The following WDR59 variants were observed in gnomAD, a reference collection of about 807,000 sequenced individuals.
The protein encoded by WDR59 is WD repeat domain 59.
Under a neutral mutation model 131.2 loss-of-function variants are expected in WDR59, and 100 were observed. That is an observed-to-expected ratio of 0.76 (90% CI 0.65 to 0.90). The LOEUF is 0.90. Ranked by LOEUF, WDR59 falls within the 40% of genes least tolerant of loss-of-function variation. WDR59 has a pLI of 0.00. For missense variants in WDR59, 1,203 were observed against 1,262.2 expected (o/e 0.95, Z 0.71); for synonymous variants, 601 against 466.2 (o/e 1.29, Z -3.72).
chr16:74,884,571 C>G (rs2904327), intron 25 of WDR59, among the ~76,000 whole-genome samples: 34,381 of 152,138 alleles, frequency 0.23, 4,877 homozygotes, highest in East Asian at 0.51. Context: ...TGGTCTCAAA[C>G]CCCTGGCCTC....
At position 74,942,778 on chromosome 16, in the gene WDR59, G is replaced by A. The variant is rs1193146627; in HGVS notation, c.494C>T (p.Ala165Val). 5 of 1,611,994 alleles carry A rather than the reference G, an allele frequency of 3.1e-6. No individual in the cohort carries two copies. Among genetic ancestry groups the A allele is most frequent in the South Asian group, 2.2e-5 (2 of 90,550 alleles). The part of the protein sequence containing the change: ...KWNKKNANCL[A>V]TSHDGDVRIW... ...CCGCACATCGCCGTCATGGCTGGTG[G>A]CAAGGCAGTTAGCATTTTTTTTATT... is the stretch of plus-strand genomic sequence containing the variant. Residue 165 changes from alanine to valine, a missense_variant, in exon 7 of 26, where the codon GCC becomes GTC. Coordinates refer to ENST00000262144, the MANE Select transcript of WDR59 (RefSeq NM_030581.4).
At position 74,960,938 on chromosome 16, in the gene WDR59, A is replaced by G. The variant is rs757188527; in HGVS notation, c.105-4328T>C. On this transcript the variant is annotated intron_variant, in intron 2 of 25. Coordinates refer to ENST00000262144, the MANE Select transcript of WDR59 (RefSeq NM_030581.4). ...CAGAATGGTGATTACATGAGTATAT[A>G]TATTTGTAAATTTCAGCTATTTACT... is the stretch of plus-strand genomic sequence containing the variant. Among the ~76,000 whole-genome samples, 68 of 152,194 alleles carry G rather than the reference A, an allele frequency of 4.5e-4. No individual in the cohort carries two copies. The Middle Eastern group carries it at 0.02, about 46-fold the overall frequency.
intron 25 of WDR59, among the ~76,000 whole-genome samples, chr16:74,884,452 G>A (rs112901823): frequency 0.063 from 9,603 of 152,254 alleles, 355 homozygotes; most frequent in South Asian, 0.091. Context: ...GGGTTCAAGC[G>A]ATTCTCCTGC....
At chr16:74,921,572 A>T (rs1457350983) in intron 10 of WDR59, among the ~76,000 whole-genome samples, 2 of 152,126 alleles carry the variant, frequency 1.3e-5, no homozygotes, top group African/African-American at 2.4e-5. Flanking sequence ...GGCAGTACTA[A>T]AGACCACCTT....
chr16:74,952,783 A>G (rs1042863381), intron 3 of WDR59, among the ~76,000 whole-genome samples: 1 of 151,434 alleles, frequency 6.6e-6, no homozygotes, highest in African/African-American at 2.4e-5. Context: ...ATATATATAT[A>G]TACACATTAG....
At chr16:74,928,181 C>A (rs1279517002) in intron 8 of WDR59, among the ~76,000 whole-genome samples, 1 of 147,424 alleles carries the variant, frequency 6.8e-6, no homozygotes, top group African/African-American at 2.5e-5. Flanking sequence ...GCTGGGATTA[C>A]AGGTGTGAGC....
chr16:74,885,773 G>A lies in WDR59; in HGVS notation c.2569C>T (p.Gln857Ter). The change falls in exon 25 of 26, where the codon CAG (glutamine) becomes TAG (stop). Residue 857 changes from glutamine to a stop codon, truncating the protein, a stop_gained. Coordinates refer to ENST00000262144, the MANE Select transcript of WDR59 (RefSeq NM_030581.4). LOFTEE classifies it high-confidence loss of function. Reference protein sequence around the residue: ...NKRLLDPANTQQFDDFKKCYG... With the variant: ...NKRLLDPANT ...CATTTCTTAAAGTCATCAAATTGCT[G>A]GGTATTGGCGGGGTCCAGGAGCCTG... 1.2e-6 allele frequency: 2 copies of A among 1,614,074 alleles called. No individual in the cohort carries two copies.
chr16:74,982,564 G>A (rs2034468305), intron 1 of WDR59, among the ~76,000 whole-genome samples: 1 of 152,190 alleles, frequency 6.6e-6, no homozygotes, highest in Admixed American at 6.5e-5. Context: ...GAAAATTAAA[G>A]GGTTTGCAGA....
intron 6 of WDR59, among the ~76,000 whole-genome samples, chr16:74,947,794 G>C (rs2032737875): frequency 1.3e-5 from 2 of 152,180 alleles, no homozygotes; most frequent in Non-Finnish European, 2.9e-5. Context: ...AAGAGGGCCG[G>C]GCATGGTGGC....
In WDR59 at chr16:74,908,762, C is replaced by T. The variant is rs1278532605; in HGVS notation, c.1712+146G>A. 3.9e-5 allele frequency: 24 copies of T among 607,866 alleles called. No individual in the cohort carries two copies. In the East Asian group the frequency reaches 6.7e-4, roughly 17 times the overall value. 37.7% of individuals were successfully genotyped at this position (607,866 alleles called of 1,614,324 possible). On this transcript the variant is annotated intron_variant, in intron 17 of 25. Transcript: ENST00000262144. ...AGCTTTTTTGCAATTTAATTGACTT[C>T]AATCTTTCTCAAATAAATCTTATAA... is the stretch of plus-strand genomic sequence containing the variant.
At chr16:74,898,874 C>A in intron 18 of WDR59, among the ~76,000 whole-genome samples, 1 of 152,286 alleles carries the variant, frequency 6.6e-6, no homozygotes, top group African/African-American at 2.4e-5. Flanking sequence ...AAGGTGGCCC[C>A]GTTGGTGGCT....
chr16:74,941,168 C>G (rs1022673377), intron 7 of WDR59, among the ~76,000 whole-genome samples: 1 of 149,970 alleles, frequency 6.7e-6, no homozygotes, highest in African/African-American at 2.5e-5. Context: ...AACCTTGTCT[C>G]TACAAAAAAA....
Position 74,970,741 on chromosome 16 carries a change from T to C in WDR59, c.55-4919A>G, listed in dbSNP as rs529618703. Among the ~76,000 whole-genome samples the C allele has an allele frequency of 3.3e-5, 5 of 152,130 alleles. No homozygotes were observed. The East Asian group carries it at 9.7e-4, about 29-fold the overall frequency. On this transcript the variant is annotated intron_variant, in intron 1 of 25. Transcript: ENST00000262144. ...TTGCTTTGTACACAGAGGTGCTCTG[T>C]AAAACTCTGTAGTATGAAAGATGGT...
In WDR59 at chr16:74,874,254, A is replaced by G. The variant is rs767458535; in HGVS notation, c.2880T>C (p.Cys960=). The G allele has an allele frequency of 2.5e-6, 4 of 1,614,156 alleles. No homozygotes were observed. The South Asian group carries it at 3.3e-5, about 13-fold the overall frequency. The change falls in exon 26 of 26, where the codon TGT becomes TGC. Residue 960 remains cysteine (C), a synonymous_variant. Transcript: ENST00000262144. ...MMEWFRTQEV[C]PTGCGCHCLL... ...GGCAGTGGCACCCACACCCGGTGGG[A>G]CACACCTCCTGGGTCCGAAACCACT...
At chr16:74,948,977 G>C (rs964475311) in intron 5 of WDR59, among the ~76,000 whole-genome samples, 1 of 152,034 alleles carries the variant, frequency 6.6e-6, no homozygotes, top group Non-Finnish European at 1.5e-5. Context: ...CAGCCAGGAC[G>C]ACAAGAGCAA....
chr16:74,928,000 C>G (rs537662802), intron 8 of WDR59, among the ~76,000 whole-genome samples: 47 of 150,224 alleles, frequency 3.1e-4, no homozygotes, highest in African/African-American at 9.0e-4. Context: ...CTCCGCCTCC[C>G]AAGTTCAAGC....
chr16:74,929,729 C>T (rs2031210906), intron 8 of WDR59, among the ~76,000 whole-genome samples: 1 of 152,168 alleles, frequency 6.6e-6, no homozygotes, highest in African/African-American at 2.4e-5. Context: ...CATCTGCATG[C>T]CCATATTTAT....
chr16:74,928,727 C>T (rs891424197), intron 8 of WDR59, among the ~76,000 whole-genome samples: 3 of 151,918 alleles, frequency 2.0e-5, no homozygotes, highest in Admixed American at 1.3e-4. Context: ...CATGGCGAAA[C>T]CCTGTCTCAA....
At chr16:74,976,177 T>C (rs1242630655) in intron 1 of WDR59, among the ~76,000 whole-genome samples, 1 of 152,162 alleles carries the variant, frequency 6.6e-6, no homozygotes, top group African/African-American at 2.4e-5. Context: ...CACAGATTAT[T>C]AATTACTTAT....
Sources: allele counts gnomAD v4.1 joint callset (sites outside exome capture counted in the v4.1 genomes callset), GRCh38; gene constraint gnomAD v4.1.1; transcripts MANE v1.5; gene names NCBI Gene and HGNC (gene_info 2026-07-23, HGNC 2026-07-21).